EFCAB8: variants seen among roughly 807,000 people sequenced by gnomAD.
EFCAB8 encodes the protein EF-hand calcium binding domain 8, also known as EF-hand calcium-binding domain-containing protein 8.
A neutral mutation model predicts 116.3 loss-of-function variants in EFCAB8; 100 were observed. That is an observed-to-expected ratio of 0.86 (90% CI 0.73 to 1.02). The LOEUF (loss-of-function observed/expected upper bound fraction) is 1.02, where lower values mean the gene tolerates loss of function less well. Ranked by LOEUF, EFCAB8 falls within the 50% of genes least tolerant of loss-of-function variation. The pLI, the probability that EFCAB8 is intolerant of heterozygous loss-of-function variation, is 0.00. For synonymous variants in EFCAB8, 558 were observed against 567.9 expected, an observed-to-expected ratio of 0.98 and a Z score of 0.25; for missense variants, 1,320 against 1,416.9, an observed-to-expected ratio of 0.93 and a Z score of 1.10.
Position 32,889,320 on chromosome 20 carries a change from T to A in EFCAB8, c.587T>A (p.Leu196His), listed in dbSNP as rs1985795185. The change falls in exon 7 of 27, where the codon CTC becomes CAC. Residue 196 changes from leucine to histidine, a missense_variant. Leu to His is a moderately conservative substitution (Grantham distance 99). Coordinates refer to ENST00000400522, the MANE Select transcript of EFCAB8 (RefSeq NM_001143967.2). The stretch of plus-strand genomic sequence containing the variant: ...GGCCAGCTTAACCAGACCCAGCAGC[T>A]CTACAACCAGCCGATGTGGGTCATT... The part of the protein sequence containing the change: ...SSFRLNQTQQ[L>H]YNQPMWVIDM... The A allele has an allele frequency of 6.4e-7, 1 of 1,551,576 alleles. No homozygotes were observed. The highest frequency in any genetic ancestry group is 1.4e-5 in the African/African-American group (1 of 73,028).
intron 6 of EFCAB8, among the ~76,000 whole-genome samples, chr20:32,888,556 A>T (rs998703159): frequency 1.3e-5 from 2 of 151,800 alleles, no homozygotes; most frequent in African/African-American, 4.8e-5. Context: ...GGGTCTCCCT[A>T]TGTTGCCCAG....
At chr20:32,903,338 CCTT>C (rs1402572456) in intron 11 of EFCAB8, 2 of 152,530 alleles carry the variant, frequency 1.3e-5, no homozygotes, top group East Asian at 3.9e-4. Context: ...AAGTGAGCCT[CCTT>C]CTGTTGTCCT....
intron 5 of EFCAB8, 82 bp from the exon 6 acceptor site, chr20:32,885,423 G>A (rs372375448): frequency 2.0e-5 from 30 of 1,521,032 alleles, no homozygotes; most frequent in East Asian, 9.8e-5. Context: ...CCTCCTCCTC[G>A]GTGGCTCTCT....
intron 22 of EFCAB8, among the ~76,000 whole-genome samples, chr20:32,935,790 T>C (rs1182210607): frequency 6.6e-6 from 1 of 151,882 alleles, no homozygotes; most frequent in African/African-American, 2.4e-5. Flanking sequence ...CAAGAGTGAG[T>C]GCACCTGGCC....
At chr20:32,932,905 C>T (rs1008827414) in intron 22 of EFCAB8, among the ~76,000 whole-genome samples, 3 of 152,036 alleles carry the variant, frequency 2.0e-5, no homozygotes, top group East Asian at 1.9e-4. Context: ...ATGGCTAGTT[C>T]GTTTTAGTAT....
intron 5 of EFCAB8, among the ~76,000 whole-genome samples, chr20:32,885,083 G>A (rs142353806): frequency 6.3e-4 from 96 of 152,308 alleles, no homozygotes; most frequent in Middle Eastern, 3.4e-3. Flanking sequence ...TAGAGCAGTT[G>A]CTAGAAAGTG....
At position 32,888,958 on chromosome 20, in the gene EFCAB8, T is replaced by G. The variant is rs555794121; in HGVS notation, c.568-343T>G. 3.9e-3 allele frequency among the ~76,000 whole-genome samples: 573 copies of G among 147,418 alleles called. 5 individuals carry two copies. The highest frequency in any genetic ancestry group is 0.014 in the African/African-American group (555 of 40,234). On this transcript the variant is annotated intron_variant, in intron 6 of 26. Coordinates refer to ENST00000400522, the MANE Select transcript of EFCAB8 (RefSeq NM_001143967.2). ...ATTCAAGAGTTTGGTTGGTTTTTTT[T>G]GTGGGGGGCGGGGGGCGGACAGGGT... is the stretch of plus-strand genomic sequence containing the variant.
intron 16 of EFCAB8, 102 bp from the exon 17 acceptor site, chr20:32,912,692 A>C: frequency 2.9e-6 from 2 of 698,642 alleles, no homozygotes; most frequent in Non-Finnish European, 5.3e-6. Context: ...TTCGTCATCC[A>C]GAGATTTGAC....
intron 5 of EFCAB8, among the ~76,000 whole-genome samples, chr20:32,883,607 A>G (rs1165656447): frequency 6.6e-6 from 1 of 152,194 alleles, no homozygotes; most frequent in African/African-American, 2.4e-5. Context: ...AAAAGCAACC[A>G]TTTGAACATG....
chr20:32,921,591 G>A lies in EFCAB8; in HGVS notation c.2412+1376G>A, dbSNP rs148253453. ...ACTAGTTTATAATAAAAAAGGAAGT[G>A]TATGTAAATGAAAAAATAAAAATAA... On this transcript the variant is annotated intron_variant, in intron 20 of 26. Coordinates refer to ENST00000400522, the MANE Select transcript of EFCAB8 (RefSeq NM_001143967.2). Among the ~76,000 whole-genome samples, 107 of 151,922 alleles carry A rather than the reference G, an allele frequency of 7.0e-4. 1 individual carries two copies. Among genetic ancestry groups the A allele is most frequent in the African/African-American group, 2.4e-3 (100 of 41,432 alleles).
chr20:32,883,634 A>G (rs1056395128), intron 5 of EFCAB8, among the ~76,000 whole-genome samples: 3 of 152,220 alleles, frequency 2.0e-5, no homozygotes, highest in South Asian at 2.1e-4. Context: ...GTTCAAATAC[A>G]TAACTGTACA....
intron 19 of EFCAB8, 44 bp from the exon 20 acceptor site, chr20:32,920,034 G>A: frequency 6.4e-7 from 1 of 1,551,468 alleles, no homozygotes; most frequent in East Asian, 2.4e-5. Context: ...TATGGGGAAG[G>A]GAAACACCCT....
intron 22 of EFCAB8, among the ~76,000 whole-genome samples, chr20:32,937,231 C>T (rs1988157602): frequency 2.0e-5 from 3 of 152,176 alleles, no homozygotes; most frequent in Non-Finnish European, 4.4e-5. Context: ...CCGACTGCCT[C>T]GGCCTCCCAA....
intron 20 of EFCAB8, among the ~76,000 whole-genome samples, chr20:32,922,819 C>G (rs1987514379): frequency 6.6e-6 from 1 of 152,064 alleles, no homozygotes; most frequent in African/African-American, 2.4e-5. Flanking sequence ...GTACTTCTCT[C>G]TCTCTCTCTG....
chr20:32,867,843 T>A (rs1047638994), intron 3 of EFCAB8, 96 bp downstream of exon 3: 27 of 917,398 alleles, frequency 2.9e-5, no homozygotes, highest in Non-Finnish European at 2.1e-5. Flanking sequence ...ATAATAAGCA[T>A]TTTTTTTTTG....
intron 7 of EFCAB8, among the ~76,000 whole-genome samples, chr20:32,889,751 C>T (rs888604380): frequency 2.6e-5 from 4 of 152,090 alleles, no homozygotes; most frequent in African/African-American, 7.2e-5. Context: ...CCTGTAATAC[C>T]AGCACTTCAG....
At chr20:32,902,751 C>T (rs139120506) in intron 11 of EFCAB8, among the ~76,000 whole-genome samples, 99 of 152,330 alleles carry the variant, frequency 6.5e-4, no homozygotes, top group African/African-American at 2.3e-3. Flanking sequence ...GGCATTGGCA[C>T]CCCAACCTCT....
At chr20:32,928,560 C>T (rs1311395682) in intron 20 of EFCAB8, among the ~76,000 whole-genome samples, 2 of 152,130 alleles carry the variant, frequency 1.3e-5, no homozygotes, top group Non-Finnish European at 2.9e-5. Context: ...TATGTGTTGA[C>T]TTTGTATCCT....
chr20:32,899,936 A>C (rs1986350227), intron 11 of EFCAB8, among the ~76,000 whole-genome samples: 1 of 152,058 alleles, frequency 6.6e-6, no homozygotes, highest in African/African-American at 2.4e-5. Context: ...ACTGGTAGGT[A>C]TGTTCTCTCG....
Sources: gnomAD v4.1 joint callset for allele counts (sites outside exome capture counted in the v4.1 genomes callset) on GRCh38, gnomAD v4.1.1 for gene constraint, MANE v1.5 for transcripts, NCBI Gene and HGNC (gene_info 2026-07-23, HGNC 2026-07-21) for gene names.